COL11A1: variants seen among roughly 807,000 people sequenced by gnomAD.
COL11A1 encodes collagen type XI alpha 1 chain.
COL11A1 carries 74 observed loss-of-function variants against 265.2 expected under a neutral mutation model. The observed-to-expected ratio is 0.28, with a 90% CI of 0.23 to 0.34. The LOEUF (loss-of-function observed/expected upper bound fraction) is 0.34, where lower values mean the gene tolerates loss of function less well. COL11A1 is among the 10% of genes least tolerant of loss of function. The pLI is 1.00. For missense variants in COL11A1, 2,165 were observed against 2,263.6 expected (o/e 0.96, Z 0.88); for synonymous variants, 816 against 727.6 (o/e 1.12, Z -1.96).
intron 4 of COL11A1, among the ~76,000 whole-genome samples, chr1:103,047,661 A>AG (rs1237445562): frequency 2.0e-5 from 3 of 152,164 alleles, no homozygotes; most frequent in African/African-American, 7.2e-5. Context: ...GTGGTGAGAG[A>AG]GGGCATCCCT....
intron 37 of COL11A1, among the ~76,000 whole-genome samples, chr1:102,968,406 C>T (rs1027288893): frequency 1.3e-5 from 2 of 152,136 alleles, no homozygotes; most frequent in African/African-American, 2.4e-5. Flanking sequence ...GAAACCATTT[C>T]TGAAGCTGTT....
rs1322613213 is a variant in COL11A1, at chr1:103,085,882, T to C, written c.107-2910A>G. ...TGTGCCAGTCTCTGGACTAAGTTCTTTACAGGGATTAACCCTCACAAACCA... is the reference window on the plus strand; with the variant it reads ...TGTGCCAGTCTCTGGACTAAGTTCTCTACAGGGATTAACCCTCACAAACCA... On this transcript the variant is annotated intron_variant, in intron 1 of 66. Transcript: ENST00000370096. 2.6e-5 allele frequency among the ~76,000 whole-genome samples: 4 copies of C among 152,130 alleles called. No individual in the cohort carries two copies. The East Asian group carries it at 5.8e-4, about 22-fold the overall frequency.
At chr1:102,926,260 T>C (rs1385342704) in intron 46 of COL11A1, among the ~76,000 whole-genome samples, 1 of 152,094 alleles carries the variant, frequency 6.6e-6, no homozygotes, top group Non-Finnish European at 1.5e-5. Context: ...AAAGAGGTAA[T>C]TTATGCGTGG....
intron 4 of COL11A1, among the ~76,000 whole-genome samples, chr1:103,047,236 T>C (rs1669361870): frequency 6.6e-6 from 1 of 152,226 alleles, no homozygotes; most frequent in Non-Finnish European, 1.5e-5. Flanking sequence ...TTCCTACCCA[T>C]GAGCATGGAA....
chr1:103,035,317 A>T (rs1446995127), intron 4 of COL11A1, among the ~76,000 whole-genome samples: 1 of 151,952 alleles, frequency 6.6e-6, no homozygotes, highest in African/African-American at 2.4e-5. Flanking sequence ...TTGACATTTA[A>T]TTTCTTATTG....
chr1:103,020,666 T>C, intron 9 of COL11A1, among the ~76,000 whole-genome samples: 1 of 87,826 alleles, frequency 1.1e-5, no homozygotes. Context: ...TCCTTGCCCA[T>C]GCCTATGTCC....
In COL11A1 at chr1:102,922,014, A is replaced by G. The variant is rs1226980689; in HGVS notation, c.3655-443T>C. ...TTTTCTATGTCAACTCTTAGGTTCT[A>G]TATGCTAGAATTAGAAATAAGAATA... On this transcript the variant is annotated intron_variant, in intron 47 of 66. Coordinates refer to ENST00000370096, the MANE Select transcript of COL11A1 (RefSeq NM_001854.4). Among the ~76,000 whole-genome samples, 3 of 152,230 alleles carry G rather than the reference A, an allele frequency of 2.0e-5. No individual in the cohort carries two copies. In the South Asian group the frequency reaches 6.2e-4, roughly 32 times the overall value.
At chr1:103,100,620 G>A (rs932038846) in intron 1 of COL11A1, 1 of 151,830 alleles carries the variant, frequency 6.6e-6, no homozygotes. Flanking sequence ...CCAATGACCT[G>A]GTATTTTCTG....
At chr1:102,893,064 T>C (rs373693801) in intron 57 of COL11A1, among the ~76,000 whole-genome samples, 6 of 152,180 alleles carry the variant, frequency 3.9e-5, no homozygotes, top group East Asian at 1.9e-4. Context: ...ACTGGGGCTT[T>C]GCTCTCCATA....
chr1:103,047,697 T>G (rs1158960165), intron 4 of COL11A1, among the ~76,000 whole-genome samples: 1 of 152,064 alleles, frequency 6.6e-6, no homozygotes, highest in Non-Finnish European at 1.5e-5. Context: ...TCAAAGAGAA[T>G]GCTTCCAGTT....
intron 4 of COL11A1, among the ~76,000 whole-genome samples, chr1:103,039,120 T>C (rs1463192147): frequency 1.3e-5 from 2 of 152,222 alleles, no homozygotes; most frequent in African/African-American, 2.4e-5. Flanking sequence ...GGTCAGTTTA[T>C]CACTTAAGAC....
Position 103,078,870 on chromosome 1 carries a change from A to G in COL11A1, c.276T>C (p.Gly92=). ...LSAPTKQLFP[G]GTFPEDFSIL... ...TTGAAAAGTCTTCTGGGAAAGTTCC[A>G]CCTGAGAAGAAAAGGCCAAAGAGTT... The change falls in exon 3 of 67, where the codon GGT becomes GGC. Residue 92 remains glycine, a splice_region_variant and synonymous_variant. Coordinates refer to ENST00000370096, the MANE Select transcript of COL11A1 (RefSeq NM_001854.4). 6.2e-7 allele frequency: 1 copy of G among 1,601,752 alleles called. No individual in the cohort carries two copies. The highest frequency in any genetic ancestry group is 8.5e-7 in the Non-Finnish European group (1 of 1,170,730).
In COL11A1 at chr1:103,027,396, A is replaced by AAAATATAT. The variant is rs1421941501; in HGVS notation, c.781-1065_781-1064insATATATTT. Among the ~76,000 whole-genome samples the AAAATATAT allele has an allele frequency of 2.6e-3, 237 of 92,050 alleles. 9 individuals are homozygous for AAAATATAT. The highest frequency in any genetic ancestry group is 6.5e-3 in the Middle Eastern group (1 of 154). The allele number at this position is 92,050 out of a possible 152,430, so 60.4% of individuals were successfully genotyped here. A position where few individuals can be genotyped will look rare whatever the true frequency, so the allele number is the denominator to read the frequency against. ...AGTAAACTCAACAAGTTAAAACTCT[A>AAAATATAT]ATATATATATATATATATATATATA... On this transcript the variant is annotated intron_variant, in intron 5 of 66. Transcript: ENST00000370096.
chr1:102,880,047 T>A, intron 65 of COL11A1, 131 bp from the exon 66 acceptor site: 2 of 669,496 alleles, frequency 3.0e-6, no homozygotes, highest in Admixed American at 5.2e-5. Flanking sequence ...CACCTTAACC[T>A]AATGAAAAAA....
At chr1:103,081,385 T>G (rs534734725) in intron 2 of COL11A1, among the ~76,000 whole-genome samples, 95 of 151,906 alleles carry the variant, frequency 6.3e-4, no homozygotes, top group Non-Finnish European at 8.3e-4. Context: ...TGCAGCAGAG[T>G]GCACATAAAT....
At chr1:102,949,788 A>G (rs1329945535) in intron 41 of COL11A1, among the ~76,000 whole-genome samples, 1 of 152,160 alleles carries the variant, frequency 6.6e-6, no homozygotes, top group Non-Finnish European at 1.5e-5. Context: ...CATACAACTC[A>G]TGGGTACAAT....
At chr1:103,014,301 G>T (rs1358582150) in intron 13 of COL11A1, among the ~76,000 whole-genome samples, 1 of 152,084 alleles carries the variant, frequency 6.6e-6, no homozygotes, top group African/African-American at 2.4e-5. Flanking sequence ...TGGCAACATT[G>T]CATTGGTCAA....
chr1:102,903,063 A>G (rs1653439265), intron 54 of COL11A1, among the ~76,000 whole-genome samples: 2 of 152,076 alleles, frequency 1.3e-5, no homozygotes, highest in Non-Finnish European at 2.9e-5. Flanking sequence ...TAATGCTTAA[A>G]TTATTTTGGT....
In COL11A1 at chr1:102,898,819, C is replaced by A. The variant is rs1652782202; in HGVS notation, c.4141-46G>T. On this transcript the variant is annotated intron_variant, in intron 55 of 66. Coordinates refer to ENST00000370096, the MANE Select transcript of COL11A1 (RefSeq NM_001854.4). ...GGAGCACATTAGTGATGAGAAAATA[C>A]TTTTATTATTTTATTAAATGCACTG... The A allele has an allele frequency of 3.9e-6, 6 of 1,556,220 alleles. No individual in the cohort carries two copies. In the Admixed American group the frequency reaches 6.8e-5, roughly 18 times the overall value.
Sources: allele counts gnomAD v4.1 joint callset (sites outside exome capture counted in the v4.1 genomes callset), GRCh38; gene constraint gnomAD v4.1.1; transcripts MANE v1.5; gene names NCBI Gene and HGNC (gene_info 2026-07-23, HGNC 2026-07-21).